INPP5F: variants seen among roughly 807,000 people sequenced by gnomAD.
The protein encoded by INPP5F is inositol polyphosphate-5-phosphatase F.
A neutral mutation model predicts 137.2 loss-of-function variants in INPP5F; 97 were observed. That is an observed-to-expected ratio of 0.71 (90% CI 0.60 to 0.84). INPP5F has a LOEUF of 0.84. INPP5F is among the 40% of genes least tolerant of loss of function. The pLI is 0.00. For missense variants in INPP5F, 1,271 were observed against 1,371.9 expected, an observed-to-expected ratio of 0.93 and a Z score of 1.16; for synonymous variants, 504 against 476.9, an observed-to-expected ratio of 1.06 and a Z score of -0.74.
intron 2 of INPP5F, among the ~76,000 whole-genome samples, chr10:119,776,662 C>CTG (rs34501428): frequency 0.042 from 6,323 of 150,976 alleles, 224 homozygotes; most frequent in South Asian, 0.21. Flanking sequence ...GGGCCTTCCT[C>CTG]TGTGTGTGTG....
chr10:119,817,316 A>C (rs1851315323), intron 15 of INPP5F, among the ~76,000 whole-genome samples: 1 of 152,222 alleles, frequency 6.6e-6, no homozygotes, highest in African/African-American at 2.4e-5. Context: ...TTTCATTTGA[A>C]CACCTGTCTC....
Position 119,781,719 on chromosome 10 carries a change from A to G in INPP5F, c.263A>G (p.Lys88Arg), listed in dbSNP as rs760665197. 7 of 1,612,292 alleles carry G rather than the reference A, an allele frequency of 4.3e-6. No homozygotes were observed. In the East Asian group the frequency reaches 1.3e-4, roughly 31 times the overall value. Residue 88 changes from lysine to arginine, a missense_variant, in exon 3 of 20, where the codon AAA becomes AGA. Transcript: ENST00000650623. ...PGDHEVCKVT[K>R]IAVLSLSEME... is the part of the protein sequence containing the mutation. The stretch of plus-strand genomic sequence containing the variant: ...GACCATGAGGTCTGTAAAGTTACCA[A>G]AATTGCTGTGCTCTCACTTTCTGAA...
At chr10:119,743,232 T>A (rs1848429080) in intron 1 of INPP5F, among the ~76,000 whole-genome samples, 1 of 152,204 alleles carries the variant, frequency 6.6e-6, no homozygotes, top group African/African-American at 2.4e-5. Flanking sequence ...CCAGCGTGAT[T>A]CTGTGCAAAT....
intron 2 of INPP5F, among the ~76,000 whole-genome samples, chr10:119,756,211 T>TC (rs1848837775): frequency 6.6e-6 from 1 of 152,024 alleles, no homozygotes; most frequent in East Asian, 1.9e-4. Flanking sequence ...CTATTTTTTT[T>TC]CCCTCTTAAA....
At chr10:119,826,030 G>C (rs972343926) in intron 19 of INPP5F, 21 of 398,282 alleles carry the variant, frequency 5.3e-5, no homozygotes, top group African/African-American at 4.1e-4. Context: ...TAACCCACAG[G>C]ACATATAAGA....
rs1345299724 is a variant in INPP5F, at chr10:119,748,087, G to C, written c.98-2989G>C. ...CAGCCCGGATCCCATGCCTGCCAAT[G>C]GCAAGCCAGGTGCGGAGTGGCGAGT... On this transcript the variant is annotated intron_variant, in intron 1 of 19. Coordinates refer to ENST00000650623, the MANE Select transcript of INPP5F (RefSeq NM_014937.4). The surrounding 1 kb of genome is among the most constrained non-coding windows in gnomAD (Gnocchi z 4.7). Among the ~76,000 whole-genome samples the C allele has an allele frequency of 1.3e-5, 2 of 152,214 alleles. No homozygotes were observed. The highest frequency in any genetic ancestry group is 6.5e-5 in the Admixed American group (1 of 15,280).
chr10:119,750,551 C>A (rs746602057), intron 1 of INPP5F, among the ~76,000 whole-genome samples: 1 of 152,204 alleles, frequency 6.6e-6, no homozygotes, highest in Non-Finnish European at 1.5e-5. Context: ...AGATGCCTGG[C>A]ACGTAGAAGG....
intron 6 of INPP5F, among the ~76,000 whole-genome samples, chr10:119,793,920 C>T (rs1328707249): frequency 6.6e-6 from 1 of 152,250 alleles, no homozygotes; most frequent in African/African-American, 2.4e-5. Flanking sequence ...GCTGGGATTA[C>T]AGGCATTGAT....
chr10:119,810,051 G>A, intron 13 of INPP5F, 49 bp from the exon 14 acceptor site: 1 of 1,006,778 alleles, frequency 9.9e-7, no homozygotes, highest in Non-Finnish European at 1.6e-6. Context: ...TTATTTTGGG[G>A]GCATTCTTGT....
At chr10:119,776,875 T>A (rs569880224) in intron 2 of INPP5F, among the ~76,000 whole-genome samples, 4 of 152,094 alleles carry the variant, frequency 2.6e-5, no homozygotes, top group Non-Finnish European at 5.9e-5. Flanking sequence ...CTCAGCCTCC[T>A]GAGTAGCTGA....
chr10:119,749,116 G>A (rs543253018), intron 1 of INPP5F, among the ~76,000 whole-genome samples: 36 of 152,260 alleles, frequency 2.4e-4, no homozygotes, highest in Non-Finnish European at 4.4e-4. Flanking sequence ...CTGCACCAGA[G>A]CAGGTGCTGG....
chr10:119,765,741 CTGTGTGTGTGTGTGTGTG>C (rs34906556), intron 2 of INPP5F, among the ~76,000 whole-genome samples: 14 of 127,712 alleles, frequency 1.1e-4, no homozygotes, highest in East Asian at 2.2e-4. Context: ...CAAGGGTAAA[CTGTGTGTGTGTGTGTGTG>C]TGTGTGTGTG....
intron 1 of INPP5F, among the ~76,000 whole-genome samples, chr10:119,739,236 A>G (rs1848304542): frequency 1.3e-5 from 2 of 152,280 alleles, no homozygotes; most frequent in South Asian, 2.1e-4. Flanking sequence ...ATTTTGAGCA[A>G]CCATATTCTA....
At chr10:119,794,415 A>G (rs1028590019) in intron 6 of INPP5F, among the ~76,000 whole-genome samples, 5 of 151,976 alleles carry the variant, frequency 3.3e-5, no homozygotes, top group Non-Finnish European at 7.4e-5. Context: ...TCCCACGTCT[A>G]CCTCTTTCTA....
In INPP5F at chr10:119,751,167, A is replaced by G. The variant is rs1848680438; in HGVS notation, c.178+11A>G. 8 of 1,512,606 alleles carry G rather than the reference A, an allele frequency of 5.3e-6. No individual in the cohort carries two copies. The highest frequency in any genetic ancestry group is 3.3e-5 in the Admixed American group (2 of 59,824). 93.7% of individuals were successfully genotyped at this position (1,512,606 alleles called of 1,614,324 possible). ...TTCAACTTCATTCAGGTATGTTTCT[A>G]TAAACTCCTTAAACTTGTCAAATTT... On this transcript the variant is annotated intron_variant, in intron 2 of 19. Coordinates refer to ENST00000650623, the MANE Select transcript of INPP5F (RefSeq NM_014937.4).
chr10:119,790,157 C>T (rs1233987671), intron 3 of INPP5F, among the ~76,000 whole-genome samples: 2 of 151,658 alleles, frequency 1.3e-5, no homozygotes, highest in Non-Finnish European at 2.9e-5. Context: ...GAAGAGGAGT[C>T]GCTCGGGGGT....
chr10:119,732,502 T>TTTTTC (rs201733928), intron 1 of INPP5F, among the ~76,000 whole-genome samples: 60 of 86,776 alleles, frequency 6.9e-4, no homozygotes, highest in Middle Eastern at 6.3e-3. Context: ...TCTTTTTTCT[T>TTTTTC]TTTTTTTTTT....
intron 19 of INPP5F, 141 bp from the exon 20 acceptor site, chr10:119,826,488 CTG>C (rs1398092941): frequency 3.0e-6 from 2 of 666,140 alleles, no homozygotes; most frequent in East Asian, 2.6e-5. Flanking sequence ...AATGTCAACT[CTG>C]AGGGTTATCT....
chr10:119,798,811 T>TA (rs71482617), intron 9 of INPP5F, among the ~76,000 whole-genome samples: 7 of 147,248 alleles, frequency 4.8e-5, no homozygotes, highest in South Asian at 2.2e-4. Flanking sequence ...TTTTTTTTTT[T>TA]AAAGAGACAC....
Sources: allele counts gnomAD v4.1 joint callset (sites outside exome capture counted in the v4.1 genomes callset), GRCh38; gene constraint gnomAD v4.1.1; non-coding constraint Gnocchi (gnomAD v3.1); transcripts MANE v1.5; gene names NCBI Gene and HGNC (gene_info 2026-07-23, HGNC 2026-07-21).